Variants in SYNE1 observed in about 807,000 individuals in gnomAD.
SYNE1 encodes spectrin repeat containing nuclear envelope protein 1, also known as nesprin-1.
In SYNE1, 616 loss-of-function variants were observed where a neutral mutation model predicts 1,111.0. The observed-to-expected ratio is 0.55, with a 90% CI of 0.52 to 0.59. SYNE1 has a LOEUF of 0.59. SYNE1 is among the 20% of genes least tolerant of loss of function. The pLI, the probability that SYNE1 is intolerant of heterozygous loss-of-function variation, is 0.00. For synonymous variants in SYNE1, 3,855 were observed against 3,825.8 expected (o/e 1.01, Z -0.28); for missense variants, 10,006 against 10,417.0 (o/e 0.96, Z 1.72).
At chr6:152,393,311 C>A (rs20585) in intron 51 of SYNE1, among the ~76,000 whole-genome samples, 59,576 of 151,566 alleles carry the variant, frequency 0.39, 12,168 homozygotes, top group East Asian at 0.76. Flanking sequence ...CCTGTAGAGA[C>A]GAAATAAAAG....
chr6:152,402,345 C>T (rs2097834485), intron 46 of SYNE1: 1 of 152,302 alleles, frequency 6.6e-6, no homozygotes, highest in African/African-American at 2.4e-5. Context: ...TCTTTAACTT[C>T]TCATTGCTAA....
At chr6:152,326,733 G>A in intron 78 of SYNE1, 100 bp from the exon 79 acceptor site, 6 of 1,119,782 alleles carry the variant, frequency 5.4e-6, no homozygotes, top group Non-Finnish European at 7.8e-6. Context: ...TTAGTCTCAT[G>A]GGCGTATGTG....
At chr6:152,533,989 T>C (rs2099219352) in intron 4 of SYNE1, among the ~76,000 whole-genome samples, 2 of 151,946 alleles carry the variant, frequency 1.3e-5, no homozygotes, top group South Asian at 2.1e-4. Context: ...TAAAACCTCG[T>C]CTCTACTTAA....
chr6:152,463,223 C>T (rs2098744523), intron 19 of SYNE1, 130 bp downstream of exon 19: 2 of 1,289,370 alleles, frequency 1.6e-6, no homozygotes, highest in Non-Finnish European at 2.2e-6. Flanking sequence ...ATAAAACACA[C>T]CGGTTTTAAA....
At chr6:152,417,150 A>C in intron 40 of SYNE1, 135 bp from the exon 41 acceptor site, 1 of 1,311,666 alleles carries the variant, frequency 7.6e-7, no homozygotes, top group Non-Finnish European at 1.0e-6. Flanking sequence ...ATCTACAGTG[A>C]ATCTTAGAAA....
At chr6:152,522,429 A>G (rs2623934) in intron 5 of SYNE1, among the ~76,000 whole-genome samples, 97,826 of 151,980 alleles carry the variant, frequency 0.64, 32,055 homozygotes, top group East Asian at 0.75. Context: ...ATGGTTGTAT[A>G]TATATCACGT....
At chr6:152,400,205 G>A (rs933511916) in intron 47 of SYNE1, among the ~76,000 whole-genome samples, 2 of 150,526 alleles carry the variant, frequency 1.3e-5, no homozygotes, top group Non-Finnish European at 2.9e-5. Context: ...CTCACCAAAA[G>A]CACCAGTAGT....
intron 87 of SYNE1, among the ~76,000 whole-genome samples, chr6:152,312,816 A>G (rs560111084): frequency 2.0e-5 from 3 of 152,240 alleles, no homozygotes; most frequent in Middle Eastern, 3.4e-3. Context: ...TTGAGGTCAT[A>G]ACATGACTAT....
intron 33 of SYNE1, chr6:152,435,663 T>C (rs2098467425): frequency 8.3e-6 from 4 of 479,450 alleles, no homozygotes; most frequent in East Asian, 3.2e-5. Context: ...CCCTCTACAA[T>C]GTACAAAGGC....
chr6:152,610,492 A>G (rs923127903), intron 3 of SYNE1, among the ~76,000 whole-genome samples: 9 of 152,234 alleles, frequency 5.9e-5, no homozygotes, highest in Admixed American at 3.9e-4. Flanking sequence ...ATAGGGGACT[A>G]TGTGATAAGA....
At chr6:152,614,158 C>T (rs913602084) in intron 3 of SYNE1, among the ~76,000 whole-genome samples, 15 of 152,244 alleles carry the variant, frequency 9.9e-5, no homozygotes, top group Middle Eastern at 3.4e-3. Context: ...AACTAAAGAG[C>T]TTCTGCACGG....
intron 3 of SYNE1, among the ~76,000 whole-genome samples, chr6:152,551,646 C>T (rs1213854956): frequency 6.6e-6 from 1 of 152,178 alleles, no homozygotes; most frequent in African/African-American, 2.4e-5. Context: ...AATATCACTT[C>T]TACATGATTA....
intron 74 of SYNE1, among the ~76,000 whole-genome samples, chr6:152,339,827 T>C (rs987797198): frequency 6.6e-6 from 1 of 152,210 alleles, no homozygotes; most frequent in Non-Finnish European, 1.5e-5. Context: ...TTGCAGGAGA[T>C]TCATCTTGTA....
chr6:152,383,772 G>A (rs1933689), intron 55 of SYNE1, among the ~76,000 whole-genome samples: 20,891 of 152,054 alleles, frequency 0.14, 2,903 homozygotes, highest in African/African-American at 0.35. Context: ...TCTTCTATCC[G>A]TCTTCTTAAC....
At chr6:152,578,681 T>C (rs2128395267) in intron 3 of SYNE1, among the ~76,000 whole-genome samples, 1 of 152,340 alleles carries the variant, frequency 6.6e-6, no homozygotes, top group East Asian at 1.9e-4. Context: ...AGATTCCCTT[T>C]GAAATTTTTA....
chr6:152,350,435 G>C (rs2096721206), intron 71 of SYNE1, 100 bp from the exon 72 acceptor site: 6 of 1,534,054 alleles, frequency 3.9e-6, no homozygotes, highest in South Asian at 1.1e-5. Context: ...AGGGTAGTTA[G>C]AGCTACTTAG....
At chr6:152,248,981 T>C (rs1391432773) in intron 105 of SYNE1, among the ~76,000 whole-genome samples, 180 bp downstream of exon 105, 4 of 152,222 alleles carry the variant, frequency 2.6e-5, no homozygotes, top group Non-Finnish European at 5.9e-5. Flanking sequence ...TCTGTGCAGA[T>C]GTAAGTAACA....
In SYNE1 at chr6:152,237,348, T is replaced by C. The variant is rs139132994; in HGVS notation, c.20068-400A>G. Among the ~76,000 whole-genome samples the C allele has an allele frequency of 4.0e-3, 579 of 145,162 alleles. 12 individuals are homozygous for C. The East Asian group carries it at 0.054, about 14-fold the overall frequency. ...TTTTTTAGATAGGCTCTCACTCTGTTGCCCAGGCTGGAGTACAGTGGCACA... is the reference window on the plus strand; with the variant it reads ...TTTTTTAGATAGGCTCTCACTCTGTCGCCCAGGCTGGAGTACAGTGGCACA... On this transcript the variant is annotated intron_variant, in intron 108 of 145. Coordinates refer to ENST00000367255, the MANE Select transcript of SYNE1 (RefSeq NM_182961.4).
intron 3 of SYNE1, among the ~76,000 whole-genome samples, chr6:152,609,525 T>G (rs1303904207): frequency 1.3e-5 from 2 of 152,158 alleles, no homozygotes; most frequent in African/African-American, 4.8e-5. Flanking sequence ...CTCTGTAGAC[T>G]CCACCTCTGT....
Sources: gnomAD v4.1 joint callset for allele counts (sites outside exome capture counted in the v4.1 genomes callset) on GRCh38, gnomAD v4.1.1 for gene constraint, MANE v1.5 for transcripts, NCBI Gene and HGNC (gene_info 2026-07-23, HGNC 2026-07-21) for gene names.